Variants in ABR observed in about 807,000 individuals in gnomAD.
The protein encoded by ABR is active breakpoint cluster region-related protein.
A neutral mutation model predicts 107.2 loss-of-function variants in ABR; 35 were observed. That is an observed-to-expected ratio of 0.33 (90% confidence interval 0.25 to 0.43). ABR has a LOEUF of 0.43. Ranked by LOEUF, ABR falls within the 20% of genes least tolerant of loss-of-function variation. ABR has a pLI of 1.00. For synonymous variants in ABR, 498 were observed against 462.0 expected (o/e 1.08, Z -1.00); for missense variants, 815 against 1,115.2 (o/e 0.73, Z 3.83).
At chr17:1,129,117 T>C (rs1417617593) in intron 1 of ABR, among the ~76,000 whole-genome samples, 1 of 152,188 alleles carries the variant, frequency 6.6e-6, no homozygotes, top group Non-Finnish European at 1.5e-5. Context: ...ATCTTCTTTC[T>C]CTACCCATCC....
chr17:1,139,377 G>A lies in ABR; in HGVS notation c.62-14010C>T, dbSNP rs574184595. 1.2e-4 allele frequency among the ~76,000 whole-genome samples: 19 copies of A among 152,048 alleles called. No individual in the cohort carries two copies. In the East Asian group the frequency reaches 1.7e-3, roughly 14 times the overall value. The stretch of plus-strand genomic sequence containing the variant: ...AGCCATTCTCCTGCCTCAGCCTCCC[G>A]AGTAGCTGGGACTACAGGTGCCTGC... On this transcript the variant is annotated intron_variant, in intron 1 of 22. Transcript: ENST00000302538.
chr17:1,087,460 C>T lies in ABR; in HGVS notation c.532-3833G>A, dbSNP rs3915836. 7.1e-4 allele frequency among the ~76,000 whole-genome samples: 108 copies of T among 151,948 alleles called. 1 individual carries two copies. The highest frequency in any genetic ancestry group is 2.4e-3 in the African/African-American group (101 of 41,392). Reference sequence around the variant, plus strand: ...GGGGAGCGCGAGTGGGGACGCCCGGCGTGACGCCAAGGCCAGAGGCATTCA... The same window carrying T: ...GGGGAGCGCGAGTGGGGACGCCCGGTGTGACGCCAAGGCCAGAGGCATTCA... On this transcript the variant is annotated intron_variant, in intron 4 of 22. Transcript: ENST00000302538.
chr17:1,072,772 G>A lies in ABR; in HGVS notation c.754-18C>T. Reference sequence around the variant, plus strand: ...AGCAGGTCCTGGGAAGGGTGAGGCGGTGAGTTGAGGGGAGCGGCTCTGGGG... The same window carrying A: ...AGCAGGTCCTGGGAAGGGTGAGGCGATGAGTTGAGGGGAGCGGCTCTGGGG... On this transcript the variant is annotated intron_variant, in intron 7 of 22. Coordinates refer to ENST00000302538, the MANE Select transcript of ABR (RefSeq NM_021962.5). The A allele has an allele frequency of 1.2e-6, 2 of 1,610,782 alleles. No individual in the cohort carries two copies. The highest frequency in any genetic ancestry group is 1.8e-4 in the Middle Eastern group (1 of 5,538).
At chr17:1,171,134 G>A (rs955984822) in intron 1 of ABR, among the ~76,000 whole-genome samples, 8 of 152,194 alleles carry the variant, frequency 5.3e-5, no homozygotes, top group South Asian at 2.1e-4. Context: ...GAGGTAACGC[G>A]AACGGGGTAA....
At chr17:1,207,092 C>CA (rs35755968) in intron 1 of ABR, among the ~76,000 whole-genome samples, 48,084 of 97,644 alleles carry the variant, frequency 0.49, 8,481 homozygotes, top group East Asian at 0.75. Context: ...TCAAAACAAA[C>CA]AAAAAAAAAA....
At chr17:1,217,218 C>T (rs1041001181) in intron 1 of ABR, among the ~76,000 whole-genome samples, 1 of 152,198 alleles carries the variant, frequency 6.6e-6, no homozygotes, top group Admixed American at 6.5e-5. Flanking sequence ...AACCCCAGAG[C>T]ACAGTGCGGC....
intron 4 of ABR, among the ~76,000 whole-genome samples, chr17:1,089,730 C>T (rs9909770): frequency 0.033 from 5,090 of 152,248 alleles, 280 homozygotes; most frequent in African/African-American, 0.11. Flanking sequence ...GAGGCCGAGG[C>T]GGGCGGATCA....
intron 1 of ABR, among the ~76,000 whole-genome samples, chr17:1,137,500 G>C (rs1480775104): frequency 6.6e-6 from 1 of 152,176 alleles, no homozygotes; most frequent in Non-Finnish European, 1.5e-5. Context: ...CTGGTGGGCG[G>C]AACAGCCAGA....
chr17:1,026,725 C>A (rs983944423), intron 16 of ABR, among the ~76,000 whole-genome samples: 1 of 152,202 alleles, frequency 6.6e-6, no homozygotes, highest in African/African-American at 2.4e-5. Flanking sequence ...TGCTGGGGGG[C>A]CGTCAGGACA....
chr17:1,051,798 C>G lies in ABR; in HGVS notation c.1562-1164G>C, dbSNP rs2032564018. On this transcript the variant is annotated intron_variant, in intron 14 of 22. Transcript: ENST00000302538. The surrounding 1 kb of genome is among the most constrained non-coding windows in gnomAD (Gnocchi z 4.3). ...CATCAGAACAGCTTTCCTGGCCGGG[C>G]AAGGTGGCTCACGCCTGTAAATCCC... 6.6e-6 allele frequency among the ~76,000 whole-genome samples: 1 copy of G among 152,188 alleles called. No homozygotes were observed. Among genetic ancestry groups the G allele is most frequent in the Non-Finnish European group, 1.5e-5 (1 of 68,026 alleles).
At chr17:1,114,591 G>A (rs1487289827) in intron 2 of ABR, among the ~76,000 whole-genome samples, 6 of 152,056 alleles carry the variant, frequency 3.9e-5, no homozygotes, top group Admixed American at 6.6e-5. Context: ...TGGCTAACAC[G>A]GTGAAACCCC....
chr17:1,021,537 G>T lies in ABR; in HGVS notation c.1792-8373C>A, dbSNP rs373411339. Among the ~76,000 whole-genome samples, 4 of 152,266 alleles carry T rather than the reference G, an allele frequency of 2.6e-5. No individual in the cohort carries two copies. In the East Asian group the frequency reaches 7.7e-4, roughly 29 times the overall value. ...AAGTGCTTCTTCAGCCAGGTGCGGT[G>T]GCTCACGCCTGTCATCCCAGCACTT... is the stretch of plus-strand genomic sequence containing the variant. On this transcript the variant is annotated intron_variant, in intron 16 of 22. Coordinates refer to ENST00000302538, the MANE Select transcript of ABR (RefSeq NM_021962.5).
chr17:1,057,121 GAGA>G lies in ABR; in HGVS notation c.1382-22_1382-20del. On this transcript the variant is annotated intron_variant, in intron 12 of 22. Transcript: ENST00000302538. Reference sequence around the variant, plus strand: ...TGGAGATCTGGAGGGAGAGCCGAGAGAGAAGGGAGCGTGGGCACTGGTCCACCA... The same window carrying G: ...TGGAGATCTGGAGGGAGAGCCGAGAGAGGGAGCGTGGGCACTGGTCCACCA... 6.4e-7 allele frequency: 1 copy of G among 1,567,702 alleles called. No individual in the cohort carries two copies. The highest frequency in any genetic ancestry group is 8.8e-7 in the Non-Finnish European group (1 of 1,139,610).
In ABR at chr17:1,148,494, C is replaced by T. The variant is rs901602430; in HGVS notation, c.62-23127G>A. On this transcript the variant is annotated intron_variant, in intron 1 of 22. Transcript: ENST00000302538. The surrounding 1 kb of genome is among the most constrained non-coding windows in gnomAD (Gnocchi z 4.9). ...GTCCCCAGCCCCCCCGGGCATGGAC[C>T]GGCACCAGTCCGTGGCCTGTTGGGA... Among the ~76,000 whole-genome samples, 43 of 152,282 alleles carry T rather than the reference C, an allele frequency of 2.8e-4. No individual in the cohort carries two copies. Among genetic ancestry groups the T allele is most frequent in the African/African-American group, 9.4e-4 (39 of 41,558 alleles).
chr17:1,175,028 TAAAAATAA>T (rs935033105), intron 1 of ABR, among the ~76,000 whole-genome samples: 9 of 151,408 alleles, frequency 5.9e-5, no homozygotes, highest in African/African-American at 2.2e-4. Flanking sequence ...ATTGGGAAAA[TAAAAATAA>T]AAAAATAAAA....
At chr17:1,066,224 G>A (rs912002689) in intron 10 of ABR, among the ~76,000 whole-genome samples, 4 of 152,168 alleles carry the variant, frequency 2.6e-5, no homozygotes, top group Admixed American at 2.6e-4. Flanking sequence ...ACTGTGGTCT[G>A]TGAACATGAC....
At chr17:1,036,707 G>A (rs745676453) in intron 16 of ABR, among the ~76,000 whole-genome samples, 12 of 152,078 alleles carry the variant, frequency 7.9e-5, no homozygotes, top group Non-Finnish European at 1.5e-4. Flanking sequence ...GTGGGGGAGT[G>A]GGGACGGGAG....
rs2038491632 is a variant in ABR, at chr17:1,109,215, G to C, written c.247-8480C>G. 3 of 1,132,416 alleles carry C rather than the reference G, an allele frequency of 2.6e-6. No homozygotes were observed. In the South Asian group the frequency reaches 5.5e-5, roughly 21 times the overall value. The allele number at this position is 1,132,416 out of a possible 1,614,324, so 70.1% of individuals were successfully genotyped here. On this transcript the variant is annotated intron_variant, in intron 2 of 22. Coordinates refer to ENST00000302538, the MANE Select transcript of ABR (RefSeq NM_021962.5). Reference sequence around the variant, plus strand: ...GGCTCCCGACCCGGGACTGCATCCCGGACCTAGTCCAGCCCGCTCCGCCGC... The same window carrying C: ...GGCTCCCGACCCGGGACTGCATCCCCGACCTAGTCCAGCCCGCTCCGCCGC...
intron 2 of ABR, among the ~76,000 whole-genome samples, chr17:1,124,685 CAG>C (rs1254205084): frequency 1.3e-5 from 2 of 152,270 alleles, no homozygotes; most frequent in African/African-American, 2.4e-5. Context: ...TGGATGCCAT[CAG>C]AGTTTGTTCC....
Sources: allele counts gnomAD v4.1 joint callset (sites outside exome capture counted in the v4.1 genomes callset), GRCh38; gene constraint gnomAD v4.1.1; non-coding constraint Gnocchi (gnomAD v3.1); transcripts MANE v1.5; gene names NCBI Gene and HGNC (gene_info 2026-07-23, HGNC 2026-07-21).